The following UTP14A variants were observed in gnomAD, a reference collection of about 807,000 sequenced individuals.
The protein encoded by UTP14A is U3 small nucleolar RNA-associated protein 14 homolog A.
UTP14A carries 5 observed loss-of-function variants against 57.2 expected under a neutral mutation model. The observed-to-expected ratio is 0.09, with a 90% CI of 0.05 to 0.18. UTP14A has a LOEUF of 0.18. UTP14A is among the 10% of genes least tolerant of loss of function. The probability of loss-of-function intolerance (pLI) is 1.00; values close to 1 mark genes in which losing one functional copy is unlikely to be tolerated. For synonymous variants in UTP14A, 169 were observed against 210.9 expected (o/e 0.80, Z 1.72); for missense variants, 430 against 562.1 (o/e 0.76, Z 2.38).
At chrX:129,923,116 G>A (rs1386026926) in intron 11 of UTP14A, 1 of 112,532 alleles carries the variant, frequency 8.9e-6, no homozygotes, top group East Asian at 2.8e-4. Flanking sequence ...CAGTGAAAAT[G>A]AGCAAGGAAA....
Position 129,906,216 on chromosome X carries a change from T to A in UTP14A, c.6T>A (p.Thr2=). 8.3e-7 allele frequency: 1 copy of A among 1,209,968 alleles called. No individual in the cohort carries two copies. Among genetic ancestry groups the A allele is most frequent in the East Asian group, 3.0e-5 (1 of 33,715 alleles). Residue 2 remains threonine (T), a synonymous_variant, in exon 1 of 15, where the codon ACT becomes ACA. Transcript: ENST00000394422. M[T]ANRLAESLLA... is the part of the protein sequence containing the mutation. Reference sequence around the variant, plus strand: ...GAGAGAAGCTGGCTGCTGAAATGACTGCGAACCGGCTTGCAGAGAGGTGAA... The same window carrying A: ...GAGAGAAGCTGGCTGCTGAAATGACAGCGAACCGGCTTGCAGAGAGGTGAA...
At chrX:129,906,474 C>A (rs1183580654) in intron 1 of UTP14A, among the ~76,000 whole-genome samples, 1 of 112,012 alleles carries the variant, frequency 8.9e-6, no homozygotes, top group Non-Finnish European at 1.9e-5. Flanking sequence ...GTTTCTGCCT[C>A]CCCAGCTCAT....
Position 129,921,349 on chromosome X carries a change from T to C in UTP14A, c.1110T>C (p.Asp370=), listed in dbSNP as rs772226470. The C allele has an allele frequency of 6.6e-6, 8 of 1,209,929 alleles. No homozygotes were observed. The East Asian group carries it at 2.4e-4, about 36-fold the overall frequency. The part of the protein sequence containing the change: ...DVVNEVQMNA[D]GPNPWMLRSC... ...TGAATGAAGTGCAGATGAATGCAGATGGGCCGAATCCCTGGATGCTCAGGA... is the reference window on the plus strand; with the variant it reads ...TGAATGAAGTGCAGATGAATGCAGACGGGCCGAATCCCTGGATGCTCAGGA... The change falls in exon 11 of 15, where the codon GAT becomes GAC. Residue 370 remains aspartate (D), a synonymous_variant. Coordinates refer to ENST00000394422, the MANE Select transcript of UTP14A (RefSeq NM_006649.4).
chrX:129,927,828 C>A (rs1489952551), intron 14 of UTP14A, among the ~76,000 whole-genome samples: 1 of 111,555 alleles, frequency 9.0e-6, no homozygotes. Flanking sequence ...ATTTTTACAT[C>A]CCCATTTTCT....
In UTP14A at chrX:129,921,418, T is replaced by C. The variant is rs1929907723; in HGVS notation, c.1179T>C (p.Pro393=). ...AAGAGGCTGCAACCCAGGAGGACCC[T>C]GAGCAACTGCCAGAGCTTGAGGCCC... is the stretch of plus-strand genomic sequence containing the variant. ...DTKEAATQED[P]EQLPELEAHG... is the part of the protein sequence containing the mutation. Residue 393 remains proline, a synonymous_variant, in exon 11 of 15, where the codon CCT becomes CCC. Coordinates refer to ENST00000394422, the MANE Select transcript of UTP14A (RefSeq NM_006649.4). The C allele has an allele frequency of 8.3e-7, 1 of 1,211,895 alleles. No homozygotes were observed. Among genetic ancestry groups the C allele is most frequent in the Non-Finnish European group, 1.1e-6 (1 of 895,567 alleles).
At chrX:129,915,959 T>C (rs1929675476) in intron 6 of UTP14A, among the ~76,000 whole-genome samples, 1 of 99,752 alleles carries the variant, frequency 1.0e-5, no homozygotes, top group Admixed American at 1.1e-4. Flanking sequence ...GACTTTTTTT[T>C]TTTTTTTTTT....
intron 12 of UTP14A, 111 bp from the exon 13 acceptor site, chrX:129,925,808 T>G: frequency 1.1e-6 from 1 of 948,219 alleles, no homozygotes; most frequent in Admixed American, 2.8e-5. Context: ...CCATCATTGT[T>G]CAGCACTTCC....
intron 6 of UTP14A, among the ~76,000 whole-genome samples, chrX:129,914,038 A>G (rs1929583976): frequency 8.9e-6 from 1 of 111,865 alleles, no homozygotes. Context: ...AGGAGGTTAC[A>G]CTAAGAATAG....
intron 6 of UTP14A, among the ~76,000 whole-genome samples, chrX:129,918,396 C>CAA (rs766869516): frequency 1.6e-4 from 8 of 49,464 alleles, no homozygotes; most frequent in Admixed American, 5.5e-4. Context: ...TCTCAGAAAA[C>CAA]AAAAAAAAAA....
At chrX:129,908,487 T>C (rs1929338046) in intron 3 of UTP14A, 183 bp from the exon 4 acceptor site, 2 of 484,589 alleles carry the variant, frequency 4.1e-6, no homozygotes, top group Non-Finnish European at 7.2e-6. Context: ...AGAGAAGAGA[T>C]GAGGGTTAGA....
At chrX:129,908,807 C>A (rs1053947408) in intron 4 of UTP14A, 73 bp downstream of exon 4, 8 of 981,740 alleles carry the variant, frequency 8.1e-6, no homozygotes, top group Admixed American at 4.5e-5. Flanking sequence ...CACCTCACCC[C>A]CCCTAGGAAC....
At chrX:129,909,870 T>A (rs1036092937) in intron 4 of UTP14A, among the ~76,000 whole-genome samples, 1 of 112,237 alleles carries the variant, frequency 8.9e-6, no homozygotes, top group Non-Finnish European at 1.9e-5. Flanking sequence ...AACAATGTAT[T>A]CCAAGCGTAC....
intron 6 of UTP14A, among the ~76,000 whole-genome samples, chrX:129,915,665 T>C (rs989986514): frequency 9.0e-6 from 1 of 111,211 alleles, no homozygotes; most frequent in African/African-American, 3.3e-5. Flanking sequence ...GCAAATCTTG[T>C]TATCTGATGA....
At chrX:129,923,325 G>A (rs1929981629) in intron 11 of UTP14A, among the ~76,000 whole-genome samples, 1 of 112,348 alleles carries the variant, frequency 8.9e-6, no homozygotes, top group South Asian at 3.6e-4. Flanking sequence ...ATACAGGCTG[G>A]AGTGCAGTGG....
At chrX:129,925,310 T>C (rs1930064388) in intron 12 of UTP14A, 115 bp downstream of exon 12, 1 of 971,182 alleles carries the variant, frequency 1.0e-6, no homozygotes, top group Non-Finnish European at 1.4e-6. Flanking sequence ...TCCAGAATAG[T>C]ATAGGGCCAG....
Position 129,924,669 on chromosome X carries a change from C to T in UTP14A, c.1349-126C>T, listed in dbSNP as rs1002625651. 5 of 839,308 alleles carry T rather than the reference C, an allele frequency of 6.0e-6. No individual in the cohort carries two copies. The African/African-American group carries it at 6.2e-5, about 10-fold the overall frequency. The allele number at this position is 839,308 out of a possible 1,213,427, so 69.2% of individuals were successfully genotyped here. On this transcript the variant is annotated intron_variant, in intron 11 of 14. Coordinates refer to ENST00000394422, the MANE Select transcript of UTP14A (RefSeq NM_006649.4). ...GATTCAATGTACAGAATCTTCTTTT[C>T]CCCGTTTGTCCTTTTTATAATGTCT...
intron 4 of UTP14A, among the ~76,000 whole-genome samples, chrX:129,909,334 C>G (rs1007306891): frequency 9.1e-6 from 1 of 109,294 alleles, no homozygotes; most frequent in Non-Finnish European, 1.9e-5. Flanking sequence ...CTCAGCCTCC[C>G]GAGTATCTGG....
chrX:129,921,343 T>G lies in UTP14A; in HGVS notation c.1104T>G (p.Asn368Lys). The change falls in exon 11 of 15, where the codon AAT (asparagine) becomes AAG (lysine). Residue 368 changes from asparagine (N) to lysine (K), a missense_variant. Asn to Lys is a moderately conservative substitution (Grantham distance 94, BLOSUM62 0). Transcript: ENST00000394422. ...ATGTAGTGAATGAAGTGCAGATGAA[T>G]GCAGATGGGCCGAATCCCTGGATGC... ...VPDVVNEVQM[N>K]ADGPNPWMLR... The G allele has an allele frequency of 4.1e-6, 5 of 1,211,446 alleles. No individual in the cohort carries two copies. Among genetic ancestry groups the G allele is most frequent in the Non-Finnish European group, 5.6e-6 (5 of 895,501 alleles).
At chrX:129,929,228 T>C (rs1422272647) in intron 14 of UTP14A, 108 bp from the exon 15 acceptor site, 3 of 971,355 alleles carry the variant, frequency 3.1e-6, no homozygotes, top group Non-Finnish European at 1.4e-6. Flanking sequence ...GCAGTCATCA[T>C]GTGGAACCGT....
Sources: allele counts gnomAD v4.1 joint callset (sites outside exome capture counted in the v4.1 genomes callset), GRCh38; gene constraint gnomAD v4.1.1; transcripts MANE v1.5; gene names NCBI Gene and HGNC (gene_info 2026-07-23, HGNC 2026-07-21).